Variants in CYP46A1 observed in about 807,000 individuals in gnomAD.
CYP46A1 encodes cytochrome P450 family 46 subfamily A member 1, also known as cholesterol 24-hydroxylase.
CYP46A1 carries 20 observed loss-of-function variants against 63.3 expected under a neutral mutation model. The observed-to-expected ratio is 0.32, with a 90% CI of 0.22 to 0.46. CYP46A1 has a LOEUF of 0.46. Among genes scored for constraint, CYP46A1 ranks in the 20% least tolerant of loss-of-function variants. The pLI, the probability that CYP46A1 is intolerant of heterozygous loss-of-function variation, is 1.00. For missense variants in CYP46A1, 445 were observed against 670.8 expected, an observed-to-expected ratio of 0.66 and a Z score of 3.72; for synonymous variants, 268 against 273.6, an observed-to-expected ratio of 0.98 and a Z score of 0.20.
chr14:99,700,107 T>G lies in CYP46A1; in HGVS notation c.443+6T>G, dbSNP rs931948427. 5 of 1,587,888 alleles carry G rather than the reference T, an allele frequency of 3.1e-6. No homozygotes were observed. The highest frequency in any genetic ancestry group is 2.3e-5 in the East Asian group (1 of 43,996). Reference sequence around the variant, plus strand: ...GACCTGGCCTTCAGCCGGAGGTGAGTGTGGCCGGAGGCTCCGTGGCTCCTG... The same window carrying G: ...GACCTGGCCTTCAGCCGGAGGTGAGGGTGGCCGGAGGCTCCGTGGCTCCTG... On this transcript the variant is annotated splice_donor_region_variant and intron_variant, in intron 5 of 14. Coordinates refer to ENST00000261835, the MANE Select transcript of CYP46A1 (RefSeq NM_006668.2).
intron 9 of CYP46A1, among the ~76,000 whole-genome samples, chr14:99,716,738 A>G (rs2056793912): frequency 6.6e-6 from 1 of 152,196 alleles, no homozygotes; most frequent in Non-Finnish European, 1.5e-5. Context: ...TAATTGAGTG[A>G]CGTCTGTTCC....
In CYP46A1 at chr14:99,715,846, C is replaced by T; in HGVS notation, c.730C>T (p.Arg244Trp). Residue 244 changes from arginine to tryptophan, a missense_variant, in exon 8 of 15, where the codon CGG (arginine) becomes TGG (tryptophan). Transcript: ENST00000261835. ...GAAGAGGAAGCAGCTCCGGGAGGTCCGGGAGAGCATTCGCTTCCTGCGCCA... is the reference window on the plus strand; with the variant it reads ...GAAGAGGAAGCAGCTCCGGGAGGTCTGGGAGAGCATTCGCTTCCTGCGCCA... ...PGKRKQLREV[R>W]ESIRFLRQVG... is the part of the protein sequence containing the mutation. The T allele has an allele frequency of 6.2e-7, 1 of 1,614,068 alleles. No individual in the cohort carries two copies.
intron 1 of CYP46A1, among the ~76,000 whole-genome samples, chr14:99,690,458 G>A (rs774552794): frequency 3.9e-5 from 6 of 152,304 alleles, no homozygotes; most frequent in Non-Finnish European, 7.3e-5. Flanking sequence ...CACCCATTGG[G>A]GATGCTGCAT....
Position 99,725,375 on chromosome 14 carries a change from G to A in CYP46A1, c.1177-16G>A, listed in dbSNP as rs1278669188. The A allele has an allele frequency of 6.2e-7, 1 of 1,612,240 alleles. No homozygotes were observed. Among genetic ancestry groups the A allele is most frequent in the Non-Finnish European group, 8.5e-7 (1 of 1,178,318 alleles). Reference sequence around the variant, plus strand: ...ACAACCTGGGAACCAGAGATGAGCGGACCCTTTGCCCGCAGTTCAGCACCT... The same window carrying A: ...ACAACCTGGGAACCAGAGATGAGCGAACCCTTTGCCCGCAGTTCAGCACCT... On this transcript the variant is annotated splice_polypyrimidine_tract_variant and intron_variant, in intron 12 of 14. Coordinates refer to ENST00000261835, the MANE Select transcript of CYP46A1 (RefSeq NM_006668.2). This position sits in a 1 kb window ranked among gnomAD's most constrained non-coding sequence, Gnocchi z 4.2.
chr14:99,703,147 G>A (rs1190562042), intron 5 of CYP46A1, among the ~76,000 whole-genome samples: 1 of 152,146 alleles, frequency 6.6e-6, no homozygotes, highest in East Asian at 1.9e-4. Context: ...TGTCCTCTGT[G>A]GGGCATTGTA....
At chr14:99,700,167 G>A in intron 5 of CYP46A1, 66 bp downstream of exon 5, 1 of 1,343,126 alleles carries the variant, frequency 7.4e-7, no homozygotes. Context: ...CCGAAGTGTA[G>A]GTGGGCCTTG....
At chr14:99,712,323 C>T (rs957984543) in intron 7 of CYP46A1, 4 of 152,062 alleles carry the variant, frequency 2.6e-5, no homozygotes, top group East Asian at 3.8e-4. Context: ...AAATAAAAGA[C>T]GTCCAAATTG....
chr14:99,721,213 G>C (rs759958322), intron 10 of CYP46A1, 26 bp from the exon 11 acceptor site: 1 of 1,588,756 alleles, frequency 6.3e-7, no homozygotes, highest in Non-Finnish European at 8.6e-7. Flanking sequence ...CTTTGGAGAC[G>C]AACTTGTCTT....
At position 99,727,214 on chromosome 14, in the gene CYP46A1, G is replaced by A. The variant is rs1390466684; in HGVS notation, c.*487G>A. The A allele has an allele frequency of 6.4e-6, 1 of 156,306 alleles. No homozygotes were observed. Among genetic ancestry groups the A allele is most frequent in the Non-Finnish European group, 1.4e-5 (1 of 70,700 alleles). The allele number at this position is 156,306 out of a possible 1,614,324, so 9.7% of individuals were successfully genotyped here. A position where few individuals can be genotyped will look rare whatever the true frequency, so the allele number is the denominator to read the frequency against. ...CCAGGCTGTCAGCGCCTCAAGGGTA[G>A]GGTCTGCGTGTGATTTGTCTCTGAG... On this transcript the variant is annotated 3_prime_UTR_variant, in exon 15 of 15. Coordinates refer to ENST00000261835, the MANE Select transcript of CYP46A1 (RefSeq NM_006668.2).
rs984821583 is a variant in CYP46A1, at chr14:99,726,157, T to C, written c.1266-33T>C. The C allele has an allele frequency of 1.4e-5, 22 of 1,598,476 alleles. No individual in the cohort carries two copies. In the Admixed American group the frequency reaches 3.2e-4, roughly 23 times the overall value. On this transcript the variant is annotated intron_variant, in intron 13 of 14. Transcript: ENST00000261835. ...TTGTTCCTGTGGGGACGCCTGGGGC[T>C]GCTGGCCTCGTGATTCCTCTCTTTC...
chr14:99,699,959 G>A (rs1447148325), intron 4 of CYP46A1, 56 bp from the exon 5 acceptor site: 2 of 762,492 alleles, frequency 2.6e-6, no homozygotes, highest in Non-Finnish European at 4.3e-6. Flanking sequence ...AGCCCATCAA[G>A]CAGTCGCTCC....
intron 5 of CYP46A1, among the ~76,000 whole-genome samples, chr14:99,702,069 C>CA (rs71113217): frequency 0.42 from 28,821 of 69,386 alleles, 4,417 homozygotes; most frequent in Non-Finnish European, 0.46. Flanking sequence ...GACTCCATCT[C>CA]AAAAAAAAAA....
chr14:99,695,657 T>C (rs1055536156), intron 3 of CYP46A1, among the ~76,000 whole-genome samples: 6 of 140,018 alleles, frequency 4.3e-5, no homozygotes, highest in African/African-American at 1.5e-4. Context: ...TGAGAAGCAG[T>C]TTCGCTCTTG....
chr14:99,691,008 T>A lies in CYP46A1; in HGVS notation c.120-73T>A, dbSNP rs963259649. On this transcript the variant is annotated intron_variant, in intron 1 of 14. Coordinates refer to ENST00000261835, the MANE Select transcript of CYP46A1 (RefSeq NM_006668.2). Reference sequence around the variant, plus strand: ...CCTGTCTGTGAAGTGGGCCTAGTAATAAGATCTTGTGGGGAAGGGAGCGTT... The same window carrying A: ...CCTGTCTGTGAAGTGGGCCTAGTAAAAAGATCTTGTGGGGAAGGGAGCGTT... 41 of 1,448,692 alleles carry A rather than the reference T, an allele frequency of 2.8e-5. 1 individual carries two copies. The South Asian group carries it at 4.1e-4, about 15-fold the overall frequency. 89.7% of individuals were successfully genotyped at this position (1,448,692 alleles called of 1,614,324 possible). A position where few individuals can be genotyped will look rare whatever the true frequency, so the allele number is the denominator to read the frequency against.
At chr14:99,726,076 C>T in intron 13 of CYP46A1, 114 bp from the exon 14 acceptor site, 1 of 912,442 alleles carries the variant, frequency 1.1e-6, no homozygotes, top group Non-Finnish European at 1.8e-6. Context: ...AGTGCCCAGC[C>T]CCTGGCTCAA....
rs1317457154 is a variant in CYP46A1 at position 99,706,773 on chromosome 14, C to T, written c.570C>T (p.Asp190=). ...ACATGCTGACCTACACCGCCATGGA[C>T]ATCCTGGCCAAGGTGATGGGTGACA... ...MQDMLTYTAM[D]ILAKAAFGME... is the part of the protein sequence containing the mutation. Residue 190 remains aspartate (D), a synonymous_variant, in exon 6 of 15, where the codon GAC becomes GAT. Transcript: ENST00000261835. 2 of 1,612,850 alleles carry T rather than the reference C, an allele frequency of 1.2e-6. No individual in the cohort carries two copies. Among genetic ancestry groups the T allele is most frequent in the South Asian group, 1.1e-5 (1 of 91,006 alleles).
intron 12 of CYP46A1, among the ~76,000 whole-genome samples, chr14:99,723,433 C>T (rs1300964430): frequency 2.0e-5 from 3 of 152,164 alleles, no homozygotes; most frequent in South Asian, 2.1e-4. Flanking sequence ...CTCGGCCTCC[C>T]GAGTAGCTGG....
rs948560295 is a variant in CYP46A1, at chr14:99,684,688, T to A, written c.119+152T>A. The A allele has an allele frequency of 7.8e-5, 54 of 695,884 alleles. 1 individual carries two copies. The East Asian group carries it at 1.5e-3, about 20-fold the overall frequency. 43.1% of individuals were successfully genotyped at this position (695,884 alleles called of 1,614,324 possible). A position where few individuals can be genotyped will look rare whatever the true frequency, so the allele number is the denominator to read the frequency against. ...GCCCCGAGAGGGGCGCTAACTATTC[T>A]TAGTAACAAATTACTCACAGCCGCA... On this transcript the variant is annotated intron_variant, in intron 1 of 14. Transcript: ENST00000261835.
At chr14:99,707,736 TGAAGAACCTC>T in intron 7 of CYP46A1, 58 bp downstream of exon 7, 1 of 1,481,972 alleles carries the variant, frequency 6.7e-7, no homozygotes, top group Non-Finnish European at 9.3e-7. Flanking sequence ...CTTCATTTGC[TGAAGAACCTC>T]CTTCAGTGAT....
Sources: gnomAD v4.1 joint callset for allele counts (sites outside exome capture counted in the v4.1 genomes callset) on GRCh38, gnomAD v4.1.1 for gene constraint, Gnocchi (gnomAD v3.1) non-coding constraint, MANE v1.5 for transcripts, NCBI Gene and HGNC (gene_info 2026-07-23, HGNC 2026-07-21) for gene names.